Variants in ERC2 observed in about 807,000 individuals in gnomAD.
The protein encoded by ERC2 is ERC protein 2.
A neutral mutation model predicts 114.8 loss-of-function variants in ERC2; 42 were observed. The ratio of observed to expected loss-of-function variants is 0.37; its 90% confidence interval spans 0.29 to 0.47. The LOEUF (loss-of-function observed/expected upper bound fraction) is 0.47. Among genes scored for constraint, ERC2 ranks in the 20% least tolerant of loss-of-function variants. The probability of loss-of-function intolerance (pLI) is 0.99; values close to 1 mark genes in which losing one functional copy is unlikely to be tolerated. For synonymous variants in ERC2, 454 were observed against 425.5 expected (o/e 1.07, Z -0.82); for missense variants, 939 against 1,150.7 (o/e 0.82, Z 2.66).
intron 7 of ERC2, among the ~76,000 whole-genome samples, chr3:56,052,524 C>A (rs1425154540): frequency 2.0e-5 from 3 of 152,134 alleles, no homozygotes; most frequent in Non-Finnish European, 4.4e-5. Flanking sequence ...GGCCATCTGG[C>A]CCTTTAAGAA....
intron 17 of ERC2, among the ~76,000 whole-genome samples, chr3:55,537,973 G>C (rs1425863203): frequency 6.6e-6 from 1 of 152,148 alleles, no homozygotes; most frequent in Non-Finnish European, 1.5e-5. Context: ...TTGTCTCTCT[G>C]GTAGGTGTGT....
At chr3:56,291,413 CCAGA>C (rs1337851254) in intron 3 of ERC2, among the ~76,000 whole-genome samples, 1 of 152,140 alleles carries the variant, frequency 6.6e-6, no homozygotes, top group African/African-American at 2.4e-5. Flanking sequence ...TTGTTTCCTG[CCAGA>C]CAAAGAAGTG....
intron 17 of ERC2, among the ~76,000 whole-genome samples, chr3:55,652,982 T>G (rs2060702756): frequency 6.6e-6 from 1 of 152,124 alleles, no homozygotes; most frequent in Non-Finnish European, 1.5e-5. Context: ...AATTGGTGTC[T>G]GAGTTCATGG....
At chr3:56,096,197 T>C (rs575715205) in intron 6 of ERC2, among the ~76,000 whole-genome samples, 7 of 152,344 alleles carry the variant, frequency 4.6e-5, no homozygotes, top group African/African-American at 1.7e-4. Flanking sequence ...CCATGATACA[T>C]TATATATTCT....
chr3:55,685,665 T>C (rs912731144), intron 16 of ERC2, among the ~76,000 whole-genome samples: 9 of 152,108 alleles, frequency 5.9e-5, no homozygotes, highest in Non-Finnish European at 1.3e-4. Flanking sequence ...CAAATATATG[T>C]CTCTGGATGG....
At chr3:56,311,924 G>A (rs528704071) in intron 2 of ERC2, among the ~76,000 whole-genome samples, 17 of 151,316 alleles carry the variant, frequency 1.1e-4, no homozygotes, top group East Asian at 3.9e-4. Context: ...AACTAACCAC[G>A]GGTTAAAAAT....
intron 1 of ERC2, among the ~76,000 whole-genome samples, chr3:56,460,484 G>C (rs2063262463): frequency 6.6e-6 from 1 of 152,148 alleles, no homozygotes; most frequent in Non-Finnish European, 1.5e-5. Context: ...CAAATTATTT[G>C]AGTCTCAGTT....
chr3:55,988,930 GAATAC>G (rs992383579), intron 11 of ERC2, among the ~76,000 whole-genome samples: 11 of 152,234 alleles, frequency 7.2e-5, no homozygotes, highest in Non-Finnish European at 1.0e-4. Flanking sequence ...GTTTTGGTCA[GAATAC>G]ACATGTAGCA....
At position 55,771,035 on chromosome 3, in the gene ERC2, C is replaced by T. The variant is rs144505808; in HGVS notation, c.2565-36117G>A. Reference sequence around the variant, plus strand: ...GTATATGTGCCACATTTTCTTTATCCAGTCTATCATTGATGGGCATTTGGG... The same window carrying T: ...GTATATGTGCCACATTTTCTTTATCTAGTCTATCATTGATGGGCATTTGGG... On this transcript the variant is annotated intron_variant, in intron 14 of 17. Coordinates refer to ENST00000288221, the MANE Select transcript of ERC2 (RefSeq NM_015576.3). Among the ~76,000 whole-genome samples the T allele has an allele frequency of 7.3e-3, 1,113 of 152,282 alleles. 14 individuals carry two copies. The highest frequency in any genetic ancestry group is 0.025 in the African/African-American group (1,059 of 41,548).
chr3:55,741,438 C>T lies in ERC2; in HGVS notation c.2565-6520G>A, dbSNP rs368718522. On this transcript the variant is annotated intron_variant, in intron 14 of 17. Coordinates refer to ENST00000288221, the MANE Select transcript of ERC2 (RefSeq NM_015576.3). ...AGTGACAAGACACTTGGATATAAAC[C>T]GGAAACAGAAAAATCATTATTTTCC... Among the ~76,000 whole-genome samples the T allele has an allele frequency of 4.6e-5, 7 of 151,958 alleles. No homozygotes were observed. The East Asian group carries it at 5.8e-4, about 13-fold the overall frequency.
intron 1 of ERC2, among the ~76,000 whole-genome samples, chr3:56,459,442 C>T (rs1236065026): frequency 6.6e-6 from 1 of 152,148 alleles, no homozygotes; most frequent in Non-Finnish European, 1.5e-5. Context: ...GCCTGCAACT[C>T]ATTCATGCCC....
At chr3:56,464,830 G>A (rs560345513) in intron 1 of ERC2, among the ~76,000 whole-genome samples, 81 of 151,814 alleles carry the variant, frequency 5.3e-4, no homozygotes, top group Admixed American at 1.9e-3. Context: ...GCAAGTAGAT[G>A]CCCCACGGAC....
intron 4 of ERC2, among the ~76,000 whole-genome samples, chr3:56,159,456 C>G (rs1215272443): frequency 1.3e-5 from 2 of 152,164 alleles, no homozygotes; most frequent in Non-Finnish European, 1.5e-5. Flanking sequence ...TACTAAACCT[C>G]TAAACTACTA....
At chr3:55,997,919 TGTG>T (rs1559997147) in intron 10 of ERC2, among the ~76,000 whole-genome samples, 8,530 of 41,006 alleles carry the variant, frequency 0.21, 1,204 homozygotes, top group Middle Eastern at 0.31. Context: ...TGTGTGTGTG[TGTG>T]TTTTTTGTTT....
chr3:56,311,432 G>C (rs1318150082), intron 2 of ERC2, among the ~76,000 whole-genome samples: 1 of 150,744 alleles, frequency 6.6e-6, no homozygotes, highest in African/African-American at 2.4e-5. Context: ...CCAAGTAGCT[G>C]GGACTACAGG....
intron 14 of ERC2, among the ~76,000 whole-genome samples, chr3:55,859,226 G>A (rs2061917190): frequency 6.6e-6 from 1 of 152,144 alleles, no homozygotes; most frequent in East Asian, 1.9e-4. Context: ...CTGGATGGGG[G>A]CTCACAGTGC....
At chr3:55,544,919 G>C (rs116816033) in intron 17 of ERC2, among the ~76,000 whole-genome samples, 2,086 of 152,310 alleles carry the variant, frequency 0.014, 19 homozygotes, top group Non-Finnish European at 0.02. Context: ...ACCAATGTCA[G>C]ACAAGAGATT....
chr3:56,272,140 C>A (rs1019823253), intron 3 of ERC2, among the ~76,000 whole-genome samples: 8 of 152,312 alleles, frequency 5.3e-5, no homozygotes, highest in African/African-American at 1.7e-4. Flanking sequence ...CTGCTACATT[C>A]ACCACTATAA....
Position 55,893,702 on chromosome 3 carries a change from T to G in ERC2, c.2404-5153A>C, listed in dbSNP as rs2063717078. Among the ~76,000 whole-genome samples, 3 of 152,202 alleles carry G rather than the reference T, an allele frequency of 2.0e-5. No individual in the cohort carries two copies. The South Asian group carries it at 6.2e-4, about 32-fold the overall frequency. ...CTTCTCTTTCCTCTTTTATTTTCCA[T>G]TCATCACCAACTCCTAGAGCTCTAT... On this transcript the variant is annotated intron_variant, in intron 13 of 17. Transcript: ENST00000288221.
Sources: allele counts gnomAD v4.1 joint callset (sites outside exome capture counted in the v4.1 genomes callset), GRCh38; gene constraint gnomAD v4.1.1; transcripts MANE v1.5; gene names NCBI Gene and HGNC (gene_info 2026-07-23, HGNC 2026-07-21).